ALG8: variants seen among roughly 807,000 people sequenced by gnomAD.
ALG8 encodes ALG8 alpha-1,3-glucosyltransferase.
A neutral mutation model predicts 70.2 loss-of-function variants in ALG8; 48 were observed. The observed-to-expected ratio is 0.68, with a 90% CI of 0.54 to 0.87. The LOEUF is 0.87. ALG8 is among the 40% of genes least tolerant of loss of function. The pLI is 0.00. For missense variants in ALG8, 572 were observed against 608.7 expected, an observed-to-expected ratio of 0.94 and a Z score of 0.64; for synonymous variants, 234 against 229.0, an observed-to-expected ratio of 1.02 and a Z score of -0.20.
intron 1 of ALG8, among the ~76,000 whole-genome samples, chr11:78,131,998 G>A (rs771986815): frequency 7.2e-5 from 11 of 152,078 alleles, no homozygotes; most frequent in South Asian, 2.1e-4. Flanking sequence ...TTTGGATCTC[G>A]CTTACTCACC....
intron 1 of ALG8, among the ~76,000 whole-genome samples, chr11:78,130,119 AGGCGG>A (rs1861239567): frequency 6.6e-6 from 1 of 152,214 alleles, no homozygotes; most frequent in Non-Finnish European, 1.5e-5. Context: ...CGGGAGGCCA[AGGCGG>A]GTGGATCACT....
intron 9 of ALG8, among the ~76,000 whole-genome samples, chr11:78,108,905 C>T (rs1438078714): frequency 1.3e-5 from 2 of 152,170 alleles, no homozygotes; most frequent in Non-Finnish European, 2.9e-5. Context: ...ACTGCAATCA[C>T]TAATGAAATT....
Position 78,113,896 on chromosome 11 carries a change from A to G in ALG8, c.767T>C (p.Phe256Ser). 6.3e-7 allele frequency: 1 copy of G among 1,591,956 alleles called. No homozygotes were observed. The highest frequency in any genetic ancestry group is 8.6e-7 in the Non-Finnish European group (1 of 1,168,162). ...FLVSALSLGP[F>S]LALNQLPQVF... Reference sequence around the variant, plus strand: ...AAAAAAAAGGCTTACCAAGGCCAGGAAAGGACCCAATGAAAGAGCAGAAAC... The same window carrying G: ...AAAAAAAAGGCTTACCAAGGCCAGGGAAGGACCCAATGAAAGAGCAGAAAC... The change falls in exon 7 of 13, where the codon TTC becomes TCC. Residue 256 changes from phenylalanine to serine, a missense_variant. Transcript: ENST00000299626.
At chr11:78,139,168 G>A (rs1565368208) in intron 1 of ALG8, 1 of 398,692 alleles carries the variant, frequency 2.5e-6, no homozygotes, top group Admixed American at 3.9e-5. Flanking sequence ...GAGTTAGAAC[G>A]GTACCTGGCA....
Position 78,121,108 on chromosome 11 carries a change from C to G in ALG8, c.435G>C (p.Leu145=), listed in dbSNP as rs113030322. 2 of 1,613,968 alleles carry G rather than the reference C, an allele frequency of 1.2e-6. No homozygotes were observed. ...CGAAGTTCCACAGAAGTAATACCGA[C>G]AGAATAAATTTTGGCTTTTCTGTAA... ...KELTEKPKFI[L]SVLLLWNFGL... The change falls in exon 4 of 13, where the codon CTG becomes CTC. Residue 145 remains leucine (L), a synonymous_variant. Coordinates refer to ENST00000299626, the MANE Select transcript of ALG8 (RefSeq NM_024079.5).
Position 78,119,054 on chromosome 11 carries a change from A to C in ALG8, c.546+128T>G, listed in dbSNP as rs1860706022. On this transcript the variant is annotated intron_variant, in intron 5 of 12. Transcript: ENST00000299626. The stretch of plus-strand genomic sequence containing the variant: ...TGGAATTTGTGAGAAATACCTAATA[A>C]AAGTGTCTATCGCACTTGGCAGCTC... 2.9e-5 allele frequency: 20 copies of C among 699,856 alleles called. No homozygotes were observed. In the South Asian group the frequency reaches 3.4e-4, roughly 12 times the overall value. The allele number at this position is 699,856 out of a possible 1,614,324, so 43.4% of individuals were successfully genotyped here.
intron 1 of ALG8, among the ~76,000 whole-genome samples, chr11:78,138,128 T>A (rs1264151950): frequency 6.6e-6 from 1 of 151,994 alleles, no homozygotes; most frequent in African/African-American, 2.4e-5. Flanking sequence ...GGTGGATCAC[T>A]TGAGGTCAGG....
At chr11:78,135,832 A>C (rs1861521168) in intron 1 of ALG8, among the ~76,000 whole-genome samples, 1 of 150,906 alleles carries the variant, frequency 6.6e-6, no homozygotes, top group Non-Finnish European at 1.5e-5. Flanking sequence ...TGGGAGACAG[A>C]GTGAAACTCC....
At chr11:78,112,447 G>C in intron 8 of ALG8, 1 of 599,894 alleles carries the variant, frequency 1.7e-6, no homozygotes, top group Non-Finnish European at 2.8e-6. Flanking sequence ...ACCACAAGGA[G>C]CTTTTATAAG....
chr11:78,112,561 C>A (rs1204799129), intron 8 of ALG8, 89 bp downstream of exon 8: 1 of 1,578,462 alleles, frequency 6.3e-7, no homozygotes, highest in Non-Finnish European at 8.7e-7. Context: ...AATTCAGCCA[C>A]ATTCAAAACA....
chr11:78,106,088 A>G (rs913936568), intron 10 of ALG8, among the ~76,000 whole-genome samples: 2 of 152,252 alleles, frequency 1.3e-5, no homozygotes, highest in Non-Finnish European at 2.9e-5. Context: ...AATGTAGTAC[A>G]GTATCAGGTA....
At chr11:78,117,635 A>G (rs1471322178) in intron 5 of ALG8, among the ~76,000 whole-genome samples, 1 of 142,308 alleles carries the variant, frequency 7.0e-6, no homozygotes, top group Non-Finnish European at 1.5e-5. Context: ...AAAATTAGCC[A>G]GGTATGGTGG....
chr11:78,109,581 C>T lies in ALG8; in HGVS notation c.899G>A (p.Gly300Asp). ...GGGATCAAGAAATTTCAATTTCAAA[C>T]CTATTAAACAGATATTTTGTTTTGT... ...NALDKVLSVIGLKLKFLDPNN... is the reference protein window; with the variant it reads ...NALDKVLSVIDLKLKFLDPNN... The change falls in exon 9 of 13, where the codon GGT (glycine) becomes GAT (aspartate). Residue 300 changes from glycine to aspartate, a missense_variant and splice_region_variant. Gly to Asp is a moderately conservative substitution (Grantham distance 94, BLOSUM62 -1). Coordinates refer to ENST00000299626, the MANE Select transcript of ALG8 (RefSeq NM_024079.5). 3 of 1,613,038 alleles carry T rather than the reference C, an allele frequency of 1.9e-6. No individual in the cohort carries two copies. The highest frequency in any genetic ancestry group is 2.5e-6 in the Non-Finnish European group (3 of 1,179,082).
At chr11:78,125,741 G>C (rs889250373) in intron 2 of ALG8, among the ~76,000 whole-genome samples, 2 of 152,094 alleles carry the variant, frequency 1.3e-5, no homozygotes, top group Non-Finnish European at 2.9e-5. Flanking sequence ...CCAGGAGGCA[G>C]AGGTCGCCAG....
intron 5 of ALG8, 83 bp downstream of exon 5, chr11:78,119,099 A>G: frequency 9.6e-7 from 1 of 1,043,912 alleles, no homozygotes; most frequent in South Asian, 1.3e-5. Flanking sequence ...AAATAAATTT[A>G]CCTATCACCC....
Position 78,124,034 on chromosome 11 carries a change from ACACAAAGAGTACATC to A in ALG8, c.340_354del (p.Asp114_Val118del), listed in dbSNP as rs1305118581. 1 of 1,614,088 alleles carries A rather than the reference ACACAAAGAGTACATC, an allele frequency of 6.2e-7. No homozygotes were observed. The highest frequency in any genetic ancestry group is 8.5e-7 in the Non-Finnish European group (1 of 1,180,048). On this transcript the variant is annotated inframe_deletion, in exon 3 of 13. Transcript: ENST00000299626. ...CTCCAGACTTACTCACGGACAGCATACACAAAGAGTACATCCATAAAGATGACGGAAAATCTCTGG... is the reference window on the plus strand; with the variant it reads ...CTCCAGACTTACTCACGGACAGCATACATAAAGATGACGGAAAATCTCTGG...
At position 78,113,738 on chromosome 11, in the gene ALG8, A is replaced by C; in HGVS notation, c.777+148T>G. The C allele has an allele frequency of 6.3e-6, 4 of 633,744 alleles. No homozygotes were observed. The South Asian group carries it at 7.8e-5, about 12-fold the overall frequency. 39.3% of individuals were successfully genotyped at this position (633,744 alleles called of 1,614,324 possible). Reference sequence around the variant, plus strand: ...AAACAAAAACAAAAAAAAAAAAGGAATACTGCCCTATCTTTGGGGAGTCAC... The same window carrying C: ...AAACAAAAACAAAAAAAAAAAAGGACTACTGCCCTATCTTTGGGGAGTCAC... On this transcript the variant is annotated intron_variant, in intron 7 of 12. Coordinates refer to ENST00000299626, the MANE Select transcript of ALG8 (RefSeq NM_024079.5).
chr11:78,125,961 C>A (rs993519447), intron 2 of ALG8, among the ~76,000 whole-genome samples: 1 of 151,248 alleles, frequency 6.6e-6, no homozygotes, highest in Non-Finnish European at 1.5e-5. Flanking sequence ...AGATCGAGAC[C>A]ATCCTGGCTA....
intron 2 of ALG8, among the ~76,000 whole-genome samples, chr11:78,126,648 C>T (rs1459541422): frequency 6.6e-6 from 1 of 152,076 alleles, no homozygotes; most frequent in Non-Finnish European, 1.5e-5. Context: ...TTGATTATTC[C>T]TTTCCTCACA....
Sources: allele counts gnomAD v4.1 joint callset (sites outside exome capture counted in the v4.1 genomes callset), GRCh38; gene constraint gnomAD v4.1.1; transcripts MANE v1.5; gene names NCBI Gene and HGNC (gene_info 2026-07-23, HGNC 2026-07-21).